The following TEX22 variants were observed in gnomAD, a reference collection of about 807,000 sequenced individuals.
TEX22 encodes testis expressed 22, also known as testis-expressed protein 22.
In TEX22, 16 loss-of-function variants were observed where a neutral mutation model predicts 11.3. That is an observed-to-expected ratio of 1.42 (90% CI 0.96 to 2.15). The LOEUF (loss-of-function observed/expected upper bound fraction) is 2.15. Among genes scored for constraint, TEX22 ranks in the 30% most tolerant of loss-of-function variants. The pLI is 0.00. For missense variants in TEX22, 220 were observed against 208.6 expected (o/e 1.05, Z -0.34); for synonymous variants, 97 against 92.3 (o/e 1.05, Z -0.29).
rs192366523 is a variant in TEX22, at chr14:105,412,170, G to C, written c.*337G>C. 7.9e-5 allele frequency: 18 copies of C among 227,244 alleles called. No individual in the cohort carries two copies. Among genetic ancestry groups the C allele is most frequent in the African/African-American group, 3.6e-4 (16 of 44,362 alleles). The allele number at this position is 227,244 out of a possible 1,614,324, so 14.1% of individuals were successfully genotyped here. On this transcript the variant is annotated 3_prime_UTR_variant, in exon 4 of 4. Coordinates refer to ENST00000451127, the MANE Select transcript of TEX22 (RefSeq NM_001195082.2). This position sits in a 1 kb window ranked among gnomAD's most constrained non-coding sequence, Gnocchi z 5.8. ...TGCCTGAGGTGCACTGGTGTCCTGG[G>C]AAGCCCCAGTGGCAGGCGCTGCCTG...
chr14:105,411,509 C>G lies in TEX22; in HGVS notation c.279+13C>G. 8.3e-7 allele frequency: 1 copy of G among 1,210,352 alleles called. No individual in the cohort carries two copies. 75.0% of individuals were successfully genotyped at this position (1,210,352 alleles called of 1,614,324 possible). On this transcript the variant is annotated intron_variant, in intron 3 of 3. Coordinates refer to ENST00000451127, the MANE Select transcript of TEX22 (RefSeq NM_001195082.2). ...GCTGCACTGCAGGGTGCGCGGGGGG[C>G]GGGTCCTCCCCGCCCCGTCCCCGCC... is the stretch of plus-strand genomic sequence containing the variant.
chr14:105,401,876 C>T (rs936788608), intron 2 of TEX22, among the ~76,000 whole-genome samples: 7 of 152,158 alleles, frequency 4.6e-5, no homozygotes, highest in South Asian at 2.1e-4. Flanking sequence ...CAGATGGATG[C>T]ATGGTACCAC....
intron 2 of TEX22, among the ~76,000 whole-genome samples, chr14:105,401,258 A>G (rs751374622): frequency 1.6e-4 from 25 of 152,366 alleles, no homozygotes; most frequent in African/African-American, 6.0e-4. Context: ...AGAAGATTGT[A>G]ACCCAAGGAC....
rs587686413 is a variant in TEX22, at chr14:105,402,721, A to T, written c.150+3231A>T. Among the ~76,000 whole-genome samples the T allele has an allele frequency of 1.4e-3, 213 of 148,140 alleles. 1 individual carries two copies. The highest frequency in any genetic ancestry group is 3.5e-3 in the Admixed American group (51 of 14,550). On this transcript the variant is annotated intron_variant, in intron 2 of 3. Transcript: ENST00000451127. ...CAGTGAGACGAGATTGCGCTACTGC[A>T]CTCCAGCCTGGGCGACAGAGCGAGA...
At chr14:105,403,063 C>A (rs145643361) in intron 2 of TEX22, among the ~76,000 whole-genome samples, 1 of 152,058 alleles carries the variant, frequency 6.6e-6, no homozygotes, top group African/African-American at 2.4e-5. Context: ...TATTGAAAGC[C>A]GCTCCACTGC....
chr14:105,405,485 C>G (rs1346644315), intron 2 of TEX22, among the ~76,000 whole-genome samples: 1 of 152,188 alleles, frequency 6.6e-6, no homozygotes, highest in Non-Finnish European at 1.5e-5. Context: ...TTGAAAACAA[C>G]CAAATTCAGC....
rs1004056448 is a variant in TEX22 at position 105,411,728 on chromosome 14, G to T, written c.348G>T (p.Pro116=). The change falls in exon 4 of 4, where the codon CCG becomes CCT. Residue 116 remains proline (P), a synonymous_variant. Transcript: ENST00000451127. ...DVDKDVLLPH[P]LRSTESTNAF... ...ACAAGGACGTGCTCCTTCCCCACCCGCTGAGGTCCACCGAGTCCACCAACG... is the reference window on the plus strand; with the variant it reads ...ACAAGGACGTGCTCCTTCCCCACCCTCTGAGGTCCACCGAGTCCACCAACG... 2.0e-6 allele frequency: 3 copies of T among 1,522,948 alleles called. No homozygotes were observed. Among genetic ancestry groups the T allele is most frequent in the African/African-American group, 1.4e-5 (1 of 71,528 alleles). 94.3% of individuals were successfully genotyped at this position (1,522,948 alleles called of 1,614,324 possible).
chr14:105,398,863 C>T (rs1425145770), intron 1 of TEX22, among the ~76,000 whole-genome samples: 1 of 152,214 alleles, frequency 6.6e-6, no homozygotes, highest in Non-Finnish European at 1.5e-5. Context: ...GAGGCCTGGG[C>T]CGCGTGGAGG....
chr14:105,399,593 G>A, intron 2 of TEX22, 103 bp downstream of exon 2: 1 of 1,326,622 alleles, frequency 7.5e-7, no homozygotes, highest in Non-Finnish European at 1.0e-6. Flanking sequence ...GCAGCCTCAG[G>A]GGAGGGCTGA....
chr14:105,409,097 G>C (rs12435295), intron 2 of TEX22, among the ~76,000 whole-genome samples: 133,792 of 151,958 alleles, frequency 0.88, 61,412 homozygotes, highest in Non-Finnish European at 1. Context: ...CTCCTTGGCA[G>C]TGGCCTTCCT....
intron 2 of TEX22, among the ~76,000 whole-genome samples, chr14:105,405,029 A>T (rs1471198276): frequency 1.3e-5 from 2 of 152,156 alleles, no homozygotes; most frequent in East Asian, 3.9e-4. Flanking sequence ...GGGGTGGGCC[A>T]TGGTGGCTCA....
intron 2 of TEX22, among the ~76,000 whole-genome samples, chr14:105,404,413 C>T (rs2081648435): frequency 6.6e-6 from 1 of 152,186 alleles, no homozygotes; most frequent in Non-Finnish European, 1.5e-5. Flanking sequence ...CACTGGTCAT[C>T]CTATTTAGTG....
intron 2 of TEX22, among the ~76,000 whole-genome samples, chr14:105,408,112 T>G (rs1010634518): frequency 1.3e-5 from 2 of 152,242 alleles, no homozygotes; most frequent in African/African-American, 4.8e-5. Context: ...TTTAAATTAC[T>G]TTTGTTAAAA....
At chr14:105,401,914 G>A (rs886701289) in intron 2 of TEX22, among the ~76,000 whole-genome samples, 10 of 152,158 alleles carry the variant, frequency 6.6e-5, no homozygotes, top group African/African-American at 1.9e-4. Flanking sequence ...CGCCAGGTGC[G>A]GTGGCTCATG....
At chr14:105,403,615 G>A (rs2081643900) in intron 2 of TEX22, among the ~76,000 whole-genome samples, 1 of 152,124 alleles carries the variant, frequency 6.6e-6, no homozygotes, top group African/African-American at 2.4e-5. Flanking sequence ...TGCAGAGATG[G>A]GGTCTTACTG....
Position 105,411,401 on chromosome 14 carries a change from C to T in TEX22, c.184C>T (p.Arg62Cys). The change falls in exon 3 of 4, where the codon CGC (arginine) becomes TGC (cysteine). Residue 62 changes from arginine to cysteine, a missense_variant. Coordinates refer to ENST00000451127, the MANE Select transcript of TEX22 (RefSeq NM_001195082.2). ...CEPPERRRPG[R>C]RWSVSIDERR... ...GCCGCCGGAACGCAGGCGCCCGGGC[C>T]GCCGCTGGAGCGTCAGCATCGACGA... 1 of 1,319,296 alleles carries T rather than the reference C, an allele frequency of 7.6e-7. No individual in the cohort carries two copies. The highest frequency in any genetic ancestry group is 2.0e-5 in the South Asian group (1 of 49,650). The allele number at this position is 1,319,296 out of a possible 1,614,324, so 81.7% of individuals were successfully genotyped here. A position where few individuals can be genotyped will look rare whatever the true frequency, so the allele number is the denominator to read the frequency against.
At chr14:105,400,374 C>T (rs939661464) in intron 2 of TEX22, among the ~76,000 whole-genome samples, 29 of 152,164 alleles carry the variant, frequency 1.9e-4, no homozygotes, top group African/African-American at 7.0e-4. Flanking sequence ...AGTGGGGTGA[C>T]CAAACCAGCA....
Position 105,411,714 on chromosome 14 carries a change from C to A in TEX22, c.334C>A (p.Leu112Ile), listed in dbSNP as rs1555419418. The A allele has an allele frequency of 6.5e-7, 1 of 1,528,758 alleles. No individual in the cohort carries two copies. Among genetic ancestry groups the A allele is most frequent in the Admixed American group, 2.0e-5 (1 of 50,740 alleles). 94.7% of individuals were successfully genotyped at this position (1,528,758 alleles called of 1,614,324 possible). The change falls in exon 4 of 4, where the codon CTC (leucine) becomes ATC (isoleucine). Residue 112 changes from leucine (L) to isoleucine (I), a missense_variant. By Grantham distance (5) the Leu-to-Ile change is conservative. Transcript: ENST00000451127. The stretch of plus-strand genomic sequence containing the variant: ...GTCGGAGGACGTGGACAAGGACGTG[C>A]TCCTTCCCCACCCGCTGAGGTCCAC... ...LVSEDVDKDV[L>I]LPHPLRSTES...
rs961133175 is a variant in TEX22, at chr14:105,412,582, G to A, written c.*749G>A. ...TCGTTTCCAGGCTGCAGGGCCCTCG[G>A]AAGGGTGCTGAGCCGGGGTAACGTG... On this transcript the variant is annotated 3_prime_UTR_variant, in exon 4 of 4. Coordinates refer to ENST00000451127, the MANE Select transcript of TEX22 (RefSeq NM_001195082.2). The surrounding 1 kb of genome is among the most constrained non-coding windows in gnomAD (Gnocchi z 5.8). 6.6e-5 allele frequency: 10 copies of A among 152,282 alleles called. No individual in the cohort carries two copies. The highest frequency in any genetic ancestry group is 2.4e-4 in the African/African-American group (10 of 41,386). The allele number at this position is 152,282 out of a possible 1,614,324, so 9.4% of individuals were successfully genotyped here. A position where few individuals can be genotyped will look rare whatever the true frequency, so the allele number is the denominator to read the frequency against.
Sources: allele counts gnomAD v4.1 joint callset (sites outside exome capture counted in the v4.1 genomes callset), GRCh38; gene constraint gnomAD v4.1.1; non-coding constraint Gnocchi (gnomAD v3.1); transcripts MANE v1.5; gene names NCBI Gene and HGNC (gene_info 2026-07-23, HGNC 2026-07-21).